SNX29: variants seen among roughly 807,000 people sequenced by gnomAD.
SNX29 encodes the protein sorting nexin-29.
In SNX29, 78 loss-of-function variants were observed where a neutral mutation model predicts 102.1. That is an observed-to-expected ratio of 0.76 (90% CI 0.64 to 0.92). The LOEUF is 0.92. Among genes scored for constraint, SNX29 ranks in the 40% least tolerant of loss-of-function variants. The pLI is 0.00. For synonymous variants in SNX29, 580 were observed against 414.5 expected, an observed-to-expected ratio of 1.40 and a Z score of -4.85; for missense variants, 1,280 against 1,061.7, an observed-to-expected ratio of 1.21 and a Z score of -2.86.
Position 12,061,533 on chromosome 16 carries a change from T to A in SNX29, c.1130T>A (p.Leu377Gln). 1 of 1,600,452 alleles carries A rather than the reference T, an allele frequency of 6.2e-7. No individual in the cohort carries two copies. Among genetic ancestry groups the A allele is most frequent in the Non-Finnish European group, 8.5e-7 (1 of 1,174,652 alleles). ...RGHSESPEKP[L>Q]EGNTCLSQMH... is the part of the protein sequence containing the mutation. Reference sequence around the variant, plus strand: ...GCTGTATTCTTTCACCTTAGGCCACTGGAAGGGAACACCTGCCTCTCCCAG... The same window carrying A: ...GCTGTATTCTTTCACCTTAGGCCACAGGAAGGGAACACCTGCCTCTCCCAG... The change falls in exon 9 of 21, where the codon CTG becomes CAG. Residue 377 changes from leucine (L) to glutamine (Q), a missense_variant. By Grantham distance (113) the Leu-to-Gln change is moderately radical. Transcript: ENST00000566228.
intron 20 of SNX29, among the ~76,000 whole-genome samples, chr16:12,564,545 T>G (rs1224031169): frequency 6.6e-6 from 1 of 152,214 alleles, no homozygotes; most frequent in Admixed American, 6.5e-5. Context: ...AGTTAAGGCC[T>G]TTGGCAACCC....
At chr16:12,566,346 C>T (rs1486743985) in intron 20 of SNX29, among the ~76,000 whole-genome samples, 1 of 152,198 alleles carries the variant, frequency 6.6e-6, no homozygotes, top group Admixed American at 6.5e-5. Context: ...AGTCACCCCA[C>T]CGACTGCTAC....
At chr16:12,062,082 T>A (rs2050799440) in intron 9 of SNX29, among the ~76,000 whole-genome samples, 1 of 152,096 alleles carries the variant, frequency 6.6e-6, no homozygotes, top group South Asian at 2.1e-4. Flanking sequence ...GTAGCTTGGT[T>A]AAAAGCTGTT....
chr16:12,276,139 C>T (rs113482784), intron 14 of SNX29, among the ~76,000 whole-genome samples: 8 of 152,182 alleles, frequency 5.3e-5, no homozygotes, highest in South Asian at 4.2e-4. Flanking sequence ...GTGATCCACC[C>T]GCCTTGGCCT....
intron 15 of SNX29, among the ~76,000 whole-genome samples, chr16:12,315,232 T>G (rs1436943475): frequency 6.6e-6 from 1 of 152,176 alleles, no homozygotes; most frequent in African/African-American, 2.4e-5. Context: ...TTGAGAGTGA[T>G]GCAGAAAATT....
At chr16:12,167,792 G>A (rs1213883828) in intron 13 of SNX29, among the ~76,000 whole-genome samples, 2 of 152,176 alleles carry the variant, frequency 1.3e-5, no homozygotes, top group Non-Finnish European at 2.9e-5. Context: ...CTACATCAGG[G>A]GTTGGCAAAC....
At chr16:12,265,776 G>C (rs901754622) in intron 14 of SNX29, among the ~76,000 whole-genome samples, 1 of 149,922 alleles carries the variant, frequency 6.7e-6, no homozygotes, top group East Asian at 2.0e-4. Flanking sequence ...TGTAGTCCCA[G>C]CTACTTGGGA....
chr16:12,397,477 G>T (rs75961067), intron 16 of SNX29, among the ~76,000 whole-genome samples: 1 of 152,306 alleles, frequency 6.6e-6, no homozygotes, highest in African/African-American at 2.4e-5. Flanking sequence ...GCTTGCTGGG[G>T]ATTGTGGGGA....
At chr16:12,338,236 G>C (rs1422715669) in intron 15 of SNX29, among the ~76,000 whole-genome samples, 3 of 152,214 alleles carry the variant, frequency 2.0e-5, no homozygotes, top group Non-Finnish European at 4.4e-5. Flanking sequence ...AAAGGAAAAT[G>C]TTGGAGTCCA....
chr16:12,344,760 G>C (rs1025008050), intron 15 of SNX29, among the ~76,000 whole-genome samples: 3 of 152,192 alleles, frequency 2.0e-5, no homozygotes, highest in African/African-American at 7.2e-5. Flanking sequence ...CAGCAGGCTG[G>C]AGAAGGCTTT....
chr16:12,265,320 A>G (rs1045991254), intron 14 of SNX29, among the ~76,000 whole-genome samples: 2 of 152,202 alleles, frequency 1.3e-5, no homozygotes, highest in Non-Finnish European at 2.9e-5. Context: ...GCTGGGCTCC[A>G]TCACATGAGC....
chr16:12,503,916 A>G (rs576835953), intron 19 of SNX29, among the ~76,000 whole-genome samples: 2 of 152,322 alleles, frequency 1.3e-5, no homozygotes, highest in East Asian at 3.9e-4. Context: ...TTCACACACC[A>G]TACGATTTAA....
intron 13 of SNX29, among the ~76,000 whole-genome samples, chr16:12,182,933 CAAAA>C (rs575698544): frequency 8.6e-5 from 4 of 46,444 alleles, no homozygotes; most frequent in Non-Finnish European, 1.3e-4. Flanking sequence ...GACTCTGTCT[CAAAA>C]AAAAAAAAAA....
chr16:12,428,400 A>T (rs945167019), intron 18 of SNX29, among the ~76,000 whole-genome samples: 4 of 152,216 alleles, frequency 2.6e-5, no homozygotes, highest in Admixed American at 2.6e-4. Context: ...CCAGTTTCTT[A>T]AAAAATAAAT....
intron 18 of SNX29, among the ~76,000 whole-genome samples, chr16:12,463,569 T>C (rs529951083): frequency 6.6e-6 from 1 of 152,260 alleles, no homozygotes; most frequent in Non-Finnish European, 1.5e-5. Context: ...TGTGATTCAA[T>C]TATCTCCCAC....
At chr16:12,448,919 C>T (rs562693280) in intron 18 of SNX29, among the ~76,000 whole-genome samples, 25 of 152,200 alleles carry the variant, frequency 1.6e-4, no homozygotes, top group Non-Finnish European at 3.1e-4. Flanking sequence ...AGGCTCTACC[C>T]ATAGGTACCA....
chr16:12,410,844 T>C (rs560708655), intron 18 of SNX29, among the ~76,000 whole-genome samples: 1 of 152,368 alleles, frequency 6.6e-6, no homozygotes, highest in African/African-American at 2.4e-5. Flanking sequence ...GCAGGCTGCA[T>C]GAGCTTCAGG....
At chr16:12,555,239 T>TGA (rs920365147) in intron 20 of SNX29, among the ~76,000 whole-genome samples, 1 of 150,450 alleles carries the variant, frequency 6.6e-6, no homozygotes, top group Non-Finnish European at 1.5e-5. Context: ...GAAATGGAGG[T>TGA]GAGAGATGAG....
At chr16:12,558,656 C>G (rs1025398784) in intron 20 of SNX29, among the ~76,000 whole-genome samples, 3 of 152,226 alleles carry the variant, frequency 2.0e-5, no homozygotes, top group Non-Finnish European at 2.9e-5. Flanking sequence ...CTCCATCCCA[C>G]CCAATCCTGC....
Sources: gnomAD v4.1 joint callset for allele counts (sites outside exome capture counted in the v4.1 genomes callset) on GRCh38, gnomAD v4.1.1 for gene constraint, MANE v1.5 for transcripts, NCBI Gene and HGNC (gene_info 2026-07-23, HGNC 2026-07-21) for gene names.